The following KIF6 variants were observed in gnomAD, a reference collection of about 807,000 sequenced individuals.
KIF6 encodes the protein kinesin family member 6.
Under a neutral mutation model 112.7 loss-of-function variants are expected in KIF6, and 106 were observed. The ratio of observed to expected loss-of-function variants is 0.94; its 90% CI spans 0.80 to 1.11. The LOEUF (loss-of-function observed/expected upper bound fraction) is 1.11. KIF6 is among the 50% of genes least tolerant of loss of function. The pLI is 0.00. For synonymous variants in KIF6, 339 were observed against 339.9 expected (o/e 1.00, Z 0.03); for missense variants, 929 against 964.0 (o/e 0.96, Z 0.48).
intron 5 of KIF6, among the ~76,000 whole-genome samples, chr6:39,619,905 A>G (rs1370575950): frequency 1.3e-5 from 2 of 152,208 alleles, no homozygotes; most frequent in African/African-American, 4.8e-5. Flanking sequence ...TAATAACTTG[A>G]TAAGAATATC....
intron 3 of KIF6, among the ~76,000 whole-genome samples, chr6:39,670,876 A>T (rs1487086740): frequency 1.3e-5 from 2 of 152,166 alleles, no homozygotes; most frequent in Non-Finnish European, 2.9e-5. Context: ...GGCATTGTAG[A>T]TGTCACCTAT....
intron 13 of KIF6, among the ~76,000 whole-genome samples, chr6:39,476,712 C>G (rs1239104202): frequency 6.6e-6 from 1 of 152,182 alleles, no homozygotes; most frequent in Non-Finnish European, 1.5e-5. Context: ...TGGGATTCTT[C>G]TTTTCCCAGT....
chr6:39,682,420 T>G (rs893264066), intron 3 of KIF6, among the ~76,000 whole-genome samples: 2 of 152,184 alleles, frequency 1.3e-5, no homozygotes, highest in Non-Finnish European at 2.9e-5. Context: ...TCTAAACATA[T>G]GTAAATATAC....
chr6:39,481,150 G>T (rs1282276749), intron 13 of KIF6, among the ~76,000 whole-genome samples: 1 of 151,998 alleles, frequency 6.6e-6, no homozygotes, highest in Non-Finnish European at 1.5e-5. Context: ...TTTAAAAAAT[G>T]AAGAAAGATA....
intron 6 of KIF6, among the ~76,000 whole-genome samples, chr6:39,610,055 C>T (rs1783130608): frequency 2.0e-5 from 3 of 152,158 alleles, no homozygotes; most frequent in Admixed American, 6.6e-5. Context: ...CTATGCATGG[C>T]CTGATCATTG....
At chr6:39,602,327 T>C (rs1159333748) in intron 6 of KIF6, among the ~76,000 whole-genome samples, 2 of 152,142 alleles carry the variant, frequency 1.3e-5, no homozygotes, top group Non-Finnish European at 2.9e-5. Flanking sequence ...CTGCAGTCTA[T>C]GGTTAAAGAA....
chr6:39,474,804 G>A (rs1205899428), intron 13 of KIF6, among the ~76,000 whole-genome samples: 6 of 152,230 alleles, frequency 3.9e-5, no homozygotes, highest in Admixed American at 3.9e-4. Flanking sequence ...AGCCTCATAC[G>A]ATGGTTCCAA....
chr6:39,676,062 G>GGA (rs370215887), intron 3 of KIF6, among the ~76,000 whole-genome samples: 1 of 145,712 alleles, frequency 6.9e-6, no homozygotes, highest in African/African-American at 2.5e-5. Flanking sequence ...AGGAAATATG[G>GGA]AAAAAAAAAA....
intron 3 of KIF6, among the ~76,000 whole-genome samples, chr6:39,672,907 A>C (rs2150834275): frequency 6.6e-6 from 1 of 152,340 alleles, no homozygotes; most frequent in East Asian, 1.9e-4. Context: ...TTCAGTCCAT[A>C]GCAAGTAGAA....
chr6:39,339,813 T>C (rs899588546), intron 22 of KIF6, among the ~76,000 whole-genome samples: 1 of 152,184 alleles, frequency 6.6e-6, no homozygotes, highest in Non-Finnish European at 1.5e-5. Context: ...CTAAATCAAA[T>C]AGATTCATCC....
chr6:39,694,298 A>C (rs920274537), intron 3 of KIF6, among the ~76,000 whole-genome samples: 10 of 152,202 alleles, frequency 6.6e-5, no homozygotes, highest in African/African-American at 2.4e-4. Context: ...TGCTCAACAT[A>C]GGACTGGAAG....
intron 13 of KIF6, among the ~76,000 whole-genome samples, chr6:39,461,273 G>T (rs74965354): frequency 0.013 from 2,008 of 152,120 alleles, 51 homozygotes; most frequent in African/African-American, 0.045. Context: ...AGTCTAAAAT[G>T]ACTATTATAG....
chr6:39,719,263 G>C (rs910086072), intron 2 of KIF6, among the ~76,000 whole-genome samples: 2 of 152,082 alleles, frequency 1.3e-5, no homozygotes, highest in African/African-American at 4.8e-5. Flanking sequence ...AAGTTGTAGT[G>C]AGCCAAGACT....
intron 15 of KIF6, among the ~76,000 whole-genome samples, chr6:39,386,743 T>C (rs2150315867): frequency 6.6e-6 from 1 of 152,194 alleles, no homozygotes; most frequent in East Asian, 1.9e-4. Flanking sequence ...AATTCCATGA[T>C]TTCGTGCATG....
chr6:39,369,245 G>GT (rs1381117864), intron 16 of KIF6, among the ~76,000 whole-genome samples: 34 of 152,182 alleles, frequency 2.2e-4, no homozygotes, highest in Non-Finnish European at 5.9e-5. Flanking sequence ...CGGGTGCTCA[G>GT]TGCTGCCATC....
At chr6:39,617,662 C>T in intron 5 of KIF6, 1 of 453,002 alleles carries the variant, frequency 2.2e-6, no homozygotes, top group South Asian at 1.6e-5. Flanking sequence ...CTAACAAAAT[C>T]AGCATACTGC....
intron 3 of KIF6, among the ~76,000 whole-genome samples, chr6:39,683,594 A>C (rs1011180420): frequency 2.0e-5 from 3 of 152,326 alleles, no homozygotes; most frequent in Admixed American, 1.3e-4. Context: ...AATCAATGAC[A>C]TAAAGATTAT....
chr6:39,451,842 G>A (rs1230117503), intron 13 of KIF6, among the ~76,000 whole-genome samples: 1 of 152,144 alleles, frequency 6.6e-6, no homozygotes, highest in African/African-American at 2.4e-5. Context: ...CACATATTAG[G>A]TAGTCATAAT....
At chr6:39,454,768 T>G (rs1427386854) in intron 13 of KIF6, among the ~76,000 whole-genome samples, 1 of 151,974 alleles carries the variant, frequency 6.6e-6, no homozygotes, top group Non-Finnish European at 1.5e-5. Context: ...CGGACGCACC[T>G]GGAAAATCGG....
Sources: allele counts gnomAD v4.1 joint callset (sites outside exome capture counted in the v4.1 genomes callset), GRCh38; gene constraint gnomAD v4.1.1; transcripts MANE v1.5; gene names NCBI Gene and HGNC (gene_info 2026-07-23, HGNC 2026-07-21).